RPH3AL: variants seen among roughly 807,000 people sequenced by gnomAD.
RPH3AL encodes rab effector Noc2.
Under a neutral mutation model 43.1 loss-of-function variants are expected in RPH3AL, and 38 were observed. That is an observed-to-expected ratio of 0.88 (90% CI 0.68 to 1.15). The LOEUF (loss-of-function observed/expected upper bound fraction) is 1.15. RPH3AL is among the 50% of genes most tolerant of loss of function. The probability of loss-of-function intolerance (pLI) is 0.00; values close to 1 mark genes in which losing one functional copy is unlikely to be tolerated. For missense variants in RPH3AL, 462 were observed against 423.2 expected (o/e 1.09, Z -0.81); for synonymous variants, 189 against 176.3 (o/e 1.07, Z -0.57).
intron 2 of RPH3AL, chr17:331,457 AG>A (rs2044760886): frequency 1.3e-6 from 1 of 758,560 alleles, no homozygotes; most frequent in East Asian, 6.6e-5. Flanking sequence ...AGGAGAATTC[AG>A]GCCCCGGCTC....
chr17:318,127 A>C (rs1233256698), intron 5 of RPH3AL, among the ~76,000 whole-genome samples: 1 of 152,192 alleles, frequency 6.6e-6, no homozygotes, highest in Admixed American at 6.5e-5. Context: ...TCACGCCTGT[A>C]ATCCCAGCAG....
intron 7 of RPH3AL, among the ~76,000 whole-genome samples, chr17:228,680 G>C (rs1371548248): frequency 6.6e-6 from 1 of 152,170 alleles, no homozygotes; most frequent in African/African-American, 2.4e-5. Context: ...TTTGAACCCA[G>C]GCCTTTCTAT....
chr17:298,589 T>C (rs1164846712), intron 5 of RPH3AL, among the ~76,000 whole-genome samples: 4 of 151,242 alleles, frequency 2.6e-5, no homozygotes, highest in East Asian at 3.9e-4. Context: ...CCTGTAGCCC[T>C]AGCTACTCGG....
chr17:340,478 CCCCA>C (rs2045086900), intron 1 of RPH3AL, among the ~76,000 whole-genome samples: 1 of 35,308 alleles, frequency 2.8e-5, no homozygotes, highest in East Asian at 8.2e-4. Context: ...ACTCACTGCC[CCCCA>C]CCCAGGCCTC....
Position 264,888 on chromosome 17 carries a change from C to T in RPH3AL, c.438+16880G>A, listed in dbSNP as rs2042284344. Among the ~76,000 whole-genome samples the T allele has an allele frequency of 6.6e-6, 1 of 152,180 alleles. No homozygotes were observed. Among genetic ancestry groups the T allele is most frequent in the East Asian group, 1.9e-4 (1 of 5,200 alleles). On this transcript the variant is annotated intron_variant, in intron 6 of 9. Coordinates refer to ENST00000331302, the MANE Select transcript of RPH3AL (RefSeq NM_006987.4). This position sits in a 1 kb window ranked among gnomAD's most constrained non-coding sequence, Gnocchi z 4.8. ...TCACAGTGGTCAATGCAAGACAAAA[C>T]TCAGTCTAAATTACTAATGTACACA... is the stretch of plus-strand genomic sequence containing the variant.
At chr17:326,712 T>C (rs1461571408) in intron 3 of RPH3AL, among the ~76,000 whole-genome samples, 1 of 152,046 alleles carries the variant, frequency 6.6e-6, no homozygotes, top group African/African-American at 2.4e-5. Context: ...AAAACCCCCG[T>C]CTCTACTAAA....
At chr17:252,188 T>G (rs1465228785) in intron 6 of RPH3AL, among the ~76,000 whole-genome samples, 1 of 152,076 alleles carries the variant, frequency 6.6e-6, no homozygotes, top group African/African-American at 2.4e-5. Context: ...TTACTCAGGC[T>G]GGTCTCTAAC....
At chr17:332,878 AGATGTTCCG>A (rs1444207244) in intron 2 of RPH3AL, 22 of 590,546 alleles carry the variant, frequency 3.7e-5, no homozygotes, top group Non-Finnish European at 5.6e-5. Context: ...CCCAGCAGGC[AGATGTTCCG>A]GAACCCTTGT....
chr17:290,288 A>C lies in RPH3AL; in HGVS notation c.352-8434T>G, dbSNP rs1276333200. ...GAGCCACACAGCGGGCAAGTGTCCGAGGAGGTGGGGTGGTGGCCAGGTGGG... is the reference window on the plus strand; with the variant it reads ...GAGCCACACAGCGGGCAAGTGTCCGCGGAGGTGGGGTGGTGGCCAGGTGGG... On this transcript the variant is annotated intron_variant, in intron 5 of 9. Coordinates refer to ENST00000331302, the MANE Select transcript of RPH3AL (RefSeq NM_006987.4). The surrounding 1 kb of genome is among the most constrained non-coding windows in gnomAD (Gnocchi z 4.2). 6.6e-6 allele frequency among the ~76,000 whole-genome samples: 1 copy of C among 152,148 alleles called. No homozygotes were observed. The highest frequency in any genetic ancestry group is 1.5e-5 in the Non-Finnish European group (1 of 68,020).
intron 5 of RPH3AL, among the ~76,000 whole-genome samples, chr17:286,113 T>C (rs141278921): frequency 6.6e-6 from 1 of 152,138 alleles, no homozygotes; most frequent in African/African-American, 2.4e-5. Flanking sequence ...GTCTCACTGA[T>C]GAAACAGTGC....
intron 7 of RPH3AL, among the ~76,000 whole-genome samples, chr17:235,895 G>A (rs1308716277): frequency 1.4e-5 from 2 of 143,154 alleles, no homozygotes; most frequent in African/African-American, 5.1e-5. Flanking sequence ...GTAACAAGAG[G>A]GATACAGGGT....
At chr17:242,494 C>T (rs1350880662) in intron 7 of RPH3AL, among the ~76,000 whole-genome samples, 16 of 54,614 alleles carry the variant, frequency 2.9e-4, no homozygotes, top group African/African-American at 1.3e-3. Context: ...TGACTACCTT[C>T]CTCTATTGAC....
chr17:253,743 G>A (rs868934564), intron 6 of RPH3AL, among the ~76,000 whole-genome samples: 3,741 of 111,392 alleles, frequency 0.034, 654 homozygotes, highest in Admixed American at 0.048. Flanking sequence ...CCCTAGGAAC[G>A]TGACTACCCT....
intron 5 of RPH3AL, among the ~76,000 whole-genome samples, chr17:318,209 C>T (rs1487982731): frequency 6.6e-6 from 1 of 151,966 alleles, no homozygotes; most frequent in Non-Finnish European, 1.5e-5. Context: ...ATGGTGAAAC[C>T]CTGTCTCTAC....
intron 5 of RPH3AL, among the ~76,000 whole-genome samples, chr17:306,909 C>T (rs1421122179): frequency 2.6e-5 from 4 of 152,140 alleles, no homozygotes; most frequent in Non-Finnish European, 4.4e-5. Flanking sequence ...CAGCTGCGCC[C>T]GATGCCCCCA....
At position 246,865 on chromosome 17, in the gene RPH3AL, A is replaced by G. The variant is rs1368893990; in HGVS notation, c.613+246T>C. On this transcript the variant is annotated intron_variant, in intron 7 of 9. Transcript: ENST00000331302. The surrounding 1 kb of genome is among the most constrained non-coding windows in gnomAD (Gnocchi z 4.8). ...TCCTTGCCCCCAGAGCAGTACTTGT[A>G]TGTGATACTGCCCCCCGTGGGCCCT... Among the ~76,000 whole-genome samples the G allele has an allele frequency of 2.0e-5, 3 of 152,334 alleles. No homozygotes were observed. The highest frequency in any genetic ancestry group is 4.4e-5 in the Non-Finnish European group (3 of 68,020).
intron 5 of RPH3AL, among the ~76,000 whole-genome samples, chr17:299,237 T>C (rs2043260532): frequency 6.6e-6 from 1 of 152,042 alleles, no homozygotes; most frequent in South Asian, 2.1e-4. Context: ...CAGGCCTCAC[T>C]CCCTGCAGGG....
At position 315,206 on chromosome 17, in the gene RPH3AL, T is replaced by C. The variant is rs879381815; in HGVS notation, c.351+4214A>G. Among the ~76,000 whole-genome samples the C allele has an allele frequency of 5.9e-3, 87 of 14,706 alleles. 21 individuals are homozygous for C. Among genetic ancestry groups the C allele is most frequent in the Admixed American group, 0.012 (17 of 1,420 alleles). The allele number at this position is 14,706 out of a possible 152,430, so 9.6% of individuals were successfully genotyped here. On this transcript the variant is annotated intron_variant, in intron 5 of 9. Coordinates refer to ENST00000331302, the MANE Select transcript of RPH3AL (RefSeq NM_006987.4). ...CTGTAGTCCCTGTGCTCCACCTCCATTCACCTGTAGTCTCTGTGCCCCCAC... is the reference window on the plus strand; with the variant it reads ...CTGTAGTCCCTGTGCTCCACCTCCACTCACCTGTAGTCTCTGTGCCCCCAC...
chr17:278,303 G>A (rs906523243), intron 6 of RPH3AL, among the ~76,000 whole-genome samples: 1 of 152,166 alleles, frequency 6.6e-6, no homozygotes, highest in African/African-American at 2.4e-5. Context: ...CGCCGTGATT[G>A]TGAGGCCTCC....
Sources: allele counts gnomAD v4.1 joint callset (sites outside exome capture counted in the v4.1 genomes callset), GRCh38; gene constraint gnomAD v4.1.1; non-coding constraint Gnocchi (gnomAD v3.1); transcripts MANE v1.5; gene names NCBI Gene and HGNC (gene_info 2026-07-23, HGNC 2026-07-21).